Variants in PRKG1 observed in about 807,000 individuals in gnomAD.
The protein encoded by PRKG1 is protein kinase cGMP-dependent 1.
A neutral mutation model predicts 88.1 loss-of-function variants in PRKG1; 35 were observed. That is an observed-to-expected ratio of 0.40 (90% CI 0.30 to 0.53). PRKG1 has a LOEUF of 0.53. PRKG1 is among the 20% of genes least tolerant of loss of function. The pLI, the probability that PRKG1 is intolerant of heterozygous loss-of-function variation, is 0.59. For missense variants in PRKG1, 540 were observed against 839.8 expected (o/e 0.64, Z 4.41); for synonymous variants, 303 against 292.5 (o/e 1.04, Z -0.37).
chr10:51,357,951 G>T (rs1842401445), intron 2 of PRKG1, among the ~76,000 whole-genome samples: 1 of 151,732 alleles, frequency 6.6e-6, no homozygotes, highest in Non-Finnish European at 1.5e-5. Context: ...ACATATTAGG[G>T]ATTTCTAGAT....
chr10:51,984,055 C>T (rs1844087093), intron 5 of PRKG1, among the ~76,000 whole-genome samples: 1 of 152,138 alleles, frequency 6.6e-6, no homozygotes, highest in South Asian at 2.1e-4. Flanking sequence ...TTAAGAAGTA[C>T]ACAATTACAG....
intron 3 of PRKG1, among the ~76,000 whole-genome samples, chr10:51,545,906 C>T (rs1333305571): frequency 6.6e-6 from 1 of 151,930 alleles, no homozygotes; most frequent in African/African-American, 2.4e-5. Flanking sequence ...CCAGCACCCC[C>T]TGTTTCTCTC....
At chr10:51,759,264 T>G (rs1405476881) in intron 3 of PRKG1, among the ~76,000 whole-genome samples, 1 of 151,898 alleles carries the variant, frequency 6.6e-6, no homozygotes, top group Non-Finnish European at 1.5e-5. Context: ...TCTTTGAGGA[T>G]CTTTTCTTTT....
At chr10:52,057,877 A>G (rs573958141) in intron 6 of PRKG1, among the ~76,000 whole-genome samples, 89 of 152,146 alleles carry the variant, frequency 5.8e-4, no homozygotes, top group African/African-American at 2.1e-3. Flanking sequence ...GAAACCTCTG[A>G]GAAACATTTT....
chr10:51,386,053 TA>T (rs538123373), intron 2 of PRKG1, among the ~76,000 whole-genome samples: 156 of 152,300 alleles, frequency 1.0e-3, no homozygotes, highest in African/African-American at 3.6e-3. Flanking sequence ...TTAAATTTAC[TA>T]AAAAGCAGTA....
chr10:50,994,944 T>C (rs986975126), intron 1 of PRKG1, among the ~76,000 whole-genome samples: 6 of 152,206 alleles, frequency 3.9e-5, no homozygotes, highest in Admixed American at 2.0e-4. Flanking sequence ...AGAGATGAGT[T>C]AAAGTGTATG....
chr10:51,939,631 G>T (rs1192717222), intron 5 of PRKG1, among the ~76,000 whole-genome samples: 2 of 150,786 alleles, frequency 1.3e-5, no homozygotes, highest in Admixed American at 6.6e-5. Context: ...CACTATCTTG[G>T]TCATGTCCTT....
chr10:51,569,417 C>T (rs777696489), intron 3 of PRKG1, among the ~76,000 whole-genome samples: 1 of 152,024 alleles, frequency 6.6e-6, no homozygotes, highest in Non-Finnish European at 1.5e-5. Context: ...TCATTAAATA[C>T]ATGAGTGACA....
At chr10:51,015,123 T>C (rs1843041436) in intron 1 of PRKG1, among the ~76,000 whole-genome samples, 1 of 152,206 alleles carries the variant, frequency 6.6e-6, no homozygotes, top group Non-Finnish European at 1.5e-5. Flanking sequence ...GAATAAAATC[T>C]CTTTTTAAAT....
intron 1 of PRKG1, among the ~76,000 whole-genome samples, chr10:51,002,789 T>A (rs1330237702): frequency 6.6e-6 from 1 of 152,184 alleles, no homozygotes; most frequent in African/African-American, 2.4e-5. Context: ...CAAGGGTCAG[T>A]GGTAAAAGGA....
intron 3 of PRKG1, among the ~76,000 whole-genome samples, chr10:51,491,991 T>C (rs1326619304): frequency 6.6e-6 from 1 of 152,172 alleles, no homozygotes; most frequent in African/African-American, 2.4e-5. Context: ...CACAGCTTTC[T>C]GATTCTAAAC....
intron 2 of PRKG1, among the ~76,000 whole-genome samples, chr10:51,363,936 G>A (rs1016752646): frequency 1.3e-5 from 2 of 152,060 alleles, no homozygotes; most frequent in Admixed American, 1.3e-4. Flanking sequence ...AAATAGCTTT[G>A]TTCTGTACAA....
chr10:52,157,306 G>GAGAT (rs1289803162), intron 8 of PRKG1, among the ~76,000 whole-genome samples: 16,880 of 125,282 alleles, frequency 0.13, 1,300 homozygotes, highest in Non-Finnish European at 0.16. Context: ...TGAGTTAGTT[G>GAGAT]ATATATATAT....
rs566729861 is a variant in PRKG1, at chr10:51,267,306, C to T, written c.478+113976C>T. Among the ~76,000 whole-genome samples, 34 of 152,070 alleles carry T rather than the reference C, an allele frequency of 2.2e-4. 1 individual carries two copies. Among genetic ancestry groups the T allele is most frequent in the South Asian group, 4.2e-4 (2 of 4,810 alleles). On this transcript the variant is annotated intron_variant, in intron 2 of 17. Coordinates refer to ENST00000373980, the MANE Select transcript of PRKG1 (RefSeq NM_006258.4). ...CTATAGTATATATGATTTTGTGACC[C>T]GATTTTTGTTAACATCATATAAACT... is the stretch of plus-strand genomic sequence containing the variant.
chr10:51,868,193 T>A (rs1335580496), intron 4 of PRKG1, among the ~76,000 whole-genome samples: 3 of 152,044 alleles, frequency 2.0e-5, no homozygotes, highest in Non-Finnish European at 2.9e-5. Context: ...AAGATGGGAT[T>A]TGATTACTGA....
chr10:51,386,833 T>A (rs1208891104), intron 2 of PRKG1, among the ~76,000 whole-genome samples: 1 of 152,158 alleles, frequency 6.6e-6, no homozygotes, highest in Non-Finnish European at 1.5e-5. Context: ...AACCACAAAG[T>A]CTTTGTGTTG....
intron 5 of PRKG1, among the ~76,000 whole-genome samples, chr10:52,006,423 A>G (rs1589509580): frequency 6.6e-6 from 1 of 152,230 alleles, no homozygotes. Context: ...CAAAATAGCC[A>G]TTATAAGAAA....
intron 2 of PRKG1, among the ~76,000 whole-genome samples, chr10:51,274,395 T>G (rs1455661053): frequency 6.6e-6 from 1 of 152,180 alleles, no homozygotes; most frequent in Non-Finnish European, 1.5e-5. Flanking sequence ...GAAGTTTGAT[T>G]ACTGCACACT....
chr10:51,893,274 C>T (rs536220088), intron 4 of PRKG1, among the ~76,000 whole-genome samples: 8 of 152,068 alleles, frequency 5.3e-5, no homozygotes, highest in African/African-American at 1.4e-4. Context: ...CTTCTGAATT[C>T]GTCTCAAGTA....
Sources: allele counts gnomAD v4.1 joint callset (sites outside exome capture counted in the v4.1 genomes callset), GRCh38; gene constraint gnomAD v4.1.1; transcripts MANE v1.5; gene names NCBI Gene and HGNC (gene_info 2026-07-23, HGNC 2026-07-21).